Variants in PTX3 observed in about 807,000 individuals in gnomAD.
The protein encoded by PTX3 is pentraxin-related protein PTX3.
Under a neutral mutation model 23.5 loss-of-function variants are expected in PTX3, and 24 were observed. The ratio of observed to expected loss-of-function variants is 1.02; its 90% CI spans 0.74 to 1.43. The LOEUF (loss-of-function observed/expected upper bound fraction) is 1.43. Ranked by LOEUF, PTX3 falls within the 40% of genes most tolerant of loss-of-function variation. The pLI is 0.00. For missense variants in PTX3, 510 were observed against 497.5 expected (o/e 1.02, Z -0.24); for synonymous variants, 218 against 205.4 (o/e 1.06, Z -0.53).
Position 157,437,767 on chromosome 3 carries a change from C to A in PTX3, c.385C>A (p.Arg129Ser). 2.0e-6 allele frequency: 3 copies of A among 1,483,008 alleles called. No homozygotes were observed. Among genetic ancestry groups the A allele is most frequent in the Non-Finnish European group, 2.7e-6 (3 of 1,127,332 alleles). The allele number at this position is 1,483,008 out of a possible 1,614,324, so 91.9% of individuals were successfully genotyped here. A position where few individuals can be genotyped will look rare whatever the true frequency, so the allele number is the denominator to read the frequency against. Residue 129 changes from arginine to serine, a missense_variant, in exon 2 of 3, where the codon CGC (arginine) becomes AGC (serine). By Grantham distance (110) the Arg-to-Ser change is moderately radical. Transcript: ENST00000295927. ...ELLQATRDAG[R>S]RLARMEGAEA... ...GCTGCAGGCGACCCGCGACGCGGGCCGCAGGCTGGCGCGTATGGAGGGCGC... is the reference window on the plus strand; with the variant it reads ...GCTGCAGGCGACCCGCGACGCGGGCAGCAGGCTGGCGCGTATGGAGGGCGC...
chr3:157,438,052 CA>C, intron 2 of PTX3, 138 bp downstream of exon 2: 1 of 735,092 alleles, frequency 1.4e-6, no homozygotes, highest in Non-Finnish European at 2.1e-6. Context: ...CACACACACA[CA>C]CACACACACA....
intron 2 of PTX3, 30 bp from the exon 3 acceptor site, chr3:157,442,336 A>G: frequency 6.7e-7 from 1 of 1,501,652 alleles, no homozygotes; most frequent in African/African-American, 1.4e-5. Flanking sequence ...TATTTTCTTT[A>G]ATATTCTTCT....
chr3:157,437,052 C>CCA lies in PTX3; in HGVS notation c.121_122dup (p.Glu42LeufsTer28). ...AACGAAATAGACAATGGACTCCATC[C>CCA]CACTGAGGACCGTAAGTTCACTTTA... is the stretch of plus-strand genomic sequence containing the variant. On this transcript the variant is annotated frameshift_variant, in exon 1 of 3. Transcript: ENST00000295927. LOFTEE classifies it high-confidence loss of function. The CCA allele has an allele frequency of 6.2e-7, 1 of 1,613,888 alleles. No individual in the cohort carries two copies. Among genetic ancestry groups the CCA allele is most frequent in the Non-Finnish European group, 8.5e-7 (1 of 1,179,818 alleles).
rs1365190510 is a variant in PTX3, at chr3:157,437,785, G to C, written c.403G>C (p.Glu135Gln). Reference sequence around the variant, plus strand: ...CGCGGGCCGCAGGCTGGCGCGTATGGAGGGCGCGGAGGCGCAGCGCCCAGA... The same window carrying C: ...CGCGGGCCGCAGGCTGGCGCGTATGCAGGGCGCGGAGGCGCAGCGCCCAGA... ...RDAGRRLARM[E>Q]GAEAQRPEEA... Residue 135 changes from glutamate to glutamine, a missense_variant, in exon 2 of 3, where the codon GAG becomes CAG. Transcript: ENST00000295927. The C allele has an allele frequency of 2.0e-6, 3 of 1,464,644 alleles. No individual in the cohort carries two copies. The highest frequency in any genetic ancestry group is 2.7e-6 in the Non-Finnish European group (3 of 1,121,466). The allele number at this position is 1,464,644 out of a possible 1,614,324, so 90.7% of individuals were successfully genotyped here. A position where few individuals can be genotyped will look rare whatever the true frequency, so the allele number is the denominator to read the frequency against.
rs976579732 is a variant in PTX3, at chr3:157,437,729, C to T, written c.347C>T (p.Ala116Val). The change falls in exon 2 of 3, where the codon GCT (alanine) becomes GTT (valine). Residue 116 changes from alanine to valine, a missense_variant. Transcript: ENST00000295927. ...GAPAEARLTS[A>V]LDELLQATRD... is the part of the protein sequence containing the mutation. The stretch of plus-strand genomic sequence containing the variant: ...CCCGCAGAGGCCAGGCTGACCAGTG[C>T]TCTGGACGAGCTGCTGCAGGCGACC... 6.6e-7 allele frequency: 1 copy of T among 1,514,014 alleles called. No homozygotes were observed. Among genetic ancestry groups the T allele is most frequent in the Non-Finnish European group, 8.8e-7 (1 of 1,138,550 alleles). The allele number at this position is 1,514,014 out of a possible 1,614,324, so 93.8% of individuals were successfully genotyped here. A position where few individuals can be genotyped will look rare whatever the true frequency, so the allele number is the denominator to read the frequency against.
At position 157,437,882 on chromosome 3, in the gene PTX3, A is replaced by G. The variant is rs191352729; in HGVS notation, c.500A>G (p.Gln167Arg). Residue 167 changes from glutamine (Q) to arginine (R), a missense_variant, in exon 2 of 3, where the codon CAG becomes CGG. By Grantham distance (43) the Gln-to-Arg change is conservative. Coordinates refer to ENST00000295927, the MANE Select transcript of PTX3 (RefSeq NM_002852.4). ...RQTRADLHAV[Q>R]GWAARSWLPA... ...ACGCGAGCCGACCTGCACGCGGTGC[A>G]GGGCTGGGCTGCCCGGAGCTGGCTG... 10,974 of 1,514,912 alleles carry G rather than the reference A, an allele frequency of 7.2e-3. 107 individuals carry two copies. Among genetic ancestry groups the G allele is most frequent in the Admixed American group, 0.046 (2,219 of 48,228 alleles). 93.8% of individuals were successfully genotyped at this position (1,514,912 alleles called of 1,614,324 possible).
chr3:157,440,007 C>T (rs1733997584), intron 2 of PTX3, among the ~76,000 whole-genome samples: 1 of 152,172 alleles, frequency 6.6e-6, no homozygotes, highest in Non-Finnish European at 1.5e-5. Flanking sequence ...GCCTCAGCCT[C>T]CCAAAGTGCT....
rs1038796231 is a variant in PTX3 at position 157,441,752 on chromosome 3, G to A, written c.533-614G>A. 9.9e-5 allele frequency among the ~76,000 whole-genome samples: 15 copies of A among 151,856 alleles called. No individual in the cohort carries two copies. The East Asian group carries it at 1.2e-3, about 12-fold the overall frequency. On this transcript the variant is annotated intron_variant, in intron 2 of 2. Transcript: ENST00000295927. ...TTGAACCTGGGAAGCGAAGGTTGCC[G>A]TGAGTCGAGATCGCACTACTGCAAT...
intron 2 of PTX3, among the ~76,000 whole-genome samples, chr3:157,441,124 C>T (rs1178255126): frequency 6.6e-6 from 1 of 152,122 alleles, no homozygotes; most frequent in East Asian, 1.9e-4. Context: ...TTGCATGGCT[C>T]ATTAGTAGTA....
chr3:157,441,384 A>G (rs527549618), intron 2 of PTX3, among the ~76,000 whole-genome samples: 14 of 152,252 alleles, frequency 9.2e-5, no homozygotes, highest in Non-Finnish European at 2.1e-4. Flanking sequence ...CAAAATGATT[A>G]GAACAGTATC....
chr3:157,442,476 G>A lies in PTX3; in HGVS notation c.643G>A (p.Ala215Thr). The A allele has an allele frequency of 6.2e-7, 1 of 1,614,210 alleles. No homozygotes were observed. The highest frequency in any genetic ancestry group is 8.5e-7 in the Non-Finnish European group (1 of 1,180,046). ...TTTTAGTGCCTGCATTTGGGTCAAA[G>A]CCACAGATGTATTAAACAAAACCAT... is the stretch of plus-strand genomic sequence containing the variant. Reference protein sequence around the residue: ...ESFSACIWVKATDVLNKTILF... With the variant: ...ESFSACIWVKTTDVLNKTILF... Residue 215 changes from alanine to threonine, a missense_variant, in exon 3 of 3, where the codon GCC becomes ACC. Ala to Thr is a moderately conservative substitution (Grantham distance 58, BLOSUM62 0). Coordinates refer to ENST00000295927, the MANE Select transcript of PTX3 (RefSeq NM_002852.4).
At chr3:157,438,270 A>T (rs1451692282) in intron 2 of PTX3, among the ~76,000 whole-genome samples, 2 of 151,910 alleles carry the variant, frequency 1.3e-5, no homozygotes, top group Non-Finnish European at 2.9e-5. Flanking sequence ...GCCCGTTATA[A>T]CCGTGATCCC....
At position 157,442,305 on chromosome 3, in the gene PTX3, G is replaced by C. The variant is rs943536088; in HGVS notation, c.533-61G>C. Reference sequence around the variant, plus strand: ...TTCTTATGTTAAATAACTAATGCCAGAATAATTCTGAATTAATTTATATTT... The same window carrying C: ...TTCTTATGTTAAATAACTAATGCCACAATAATTCTGAATTAATTTATATTT... On this transcript the variant is annotated intron_variant, in intron 2 of 2. Coordinates refer to ENST00000295927, the MANE Select transcript of PTX3 (RefSeq NM_002852.4). 5.8e-6 allele frequency: 8 copies of C among 1,370,020 alleles called. No individual in the cohort carries two copies. The East Asian group carries it at 2.0e-4, about 35-fold the overall frequency. The allele number at this position is 1,370,020 out of a possible 1,614,324, so 84.9% of individuals were successfully genotyped here. A position where few individuals can be genotyped will look rare whatever the true frequency, so the allele number is the denominator to read the frequency against.
Position 157,443,082 on chromosome 3 carries a change from A to G in PTX3, c.*103A>G, listed in dbSNP as rs1393081972. ...TCAGTGCATAATAGGAACACTTGAG[A>G]CTAATGAAAGAGAGAGTTGAGACCA... On this transcript the variant is annotated 3_prime_UTR_variant, in exon 3 of 3. Coordinates refer to ENST00000295927, the MANE Select transcript of PTX3 (RefSeq NM_002852.4). 7 of 1,342,670 alleles carry G rather than the reference A, an allele frequency of 5.2e-6. No individual in the cohort carries two copies. The African/African-American group carries it at 5.9e-5, about 11-fold the overall frequency. 83.2% of individuals were successfully genotyped at this position (1,342,670 alleles called of 1,614,324 possible).
chr3:157,437,679 G>A lies in PTX3; in HGVS notation c.297G>A (p.Leu99=), dbSNP rs556987460. 8.5e-6 allele frequency: 13 copies of A among 1,536,276 alleles called. No individual in the cohort carries two copies. The East Asian group carries it at 2.7e-4, about 32-fold the overall frequency. The change falls in exon 2 of 3, where the codon CTG becomes CTA. Residue 99 remains leucine (L), a synonymous_variant. Transcript: ENST00000295927. ...REELGRLAES[L]ARPCAPGAPA... ...AGCTGGGCCGGCTCGCGGAAAGCCT[G>A]GCGAGGCCGTGCGCGCCGGGGGCTC...
At position 157,441,235 on chromosome 3, in the gene PTX3, G is replaced by A. The variant is rs547311362; in HGVS notation, c.533-1131G>A. Among the ~76,000 whole-genome samples the A allele has an allele frequency of 2.0e-5, 3 of 152,228 alleles. No individual in the cohort carries two copies. In the South Asian group the frequency reaches 6.2e-4, roughly 32 times the overall value. On this transcript the variant is annotated intron_variant, in intron 2 of 2. Transcript: ENST00000295927. The stretch of plus-strand genomic sequence containing the variant: ...AGGGCGTGGCCTCTGTGACCAGACT[G>A]CAAAAATTCAAACTCTAGTTTTACT...
chr3:157,442,170 G>A (rs1734175090), intron 2 of PTX3, among the ~76,000 whole-genome samples, 196 bp from the exon 3 acceptor site: 1 of 152,120 alleles, frequency 6.6e-6, no homozygotes, highest in South Asian at 2.1e-4. Context: ...CATTGGATAA[G>A]ACAATTGGCT....
Position 157,437,756 on chromosome 3 carries a change from G to A in PTX3, c.374G>A (p.Arg125His). Residue 125 changes from arginine to histidine, a missense_variant, in exon 2 of 3, where the codon CGC becomes CAC. Physicochemically the swap from Arg to His is conservative, Grantham distance 29. Transcript: ENST00000295927. ...SALDELLQAT[R>H]DAGRRLARME... ...CTGGACGAGCTGCTGCAGGCGACCC[G>A]CGACGCGGGCCGCAGGCTGGCGCGT... 1 of 1,489,266 alleles carries A rather than the reference G, an allele frequency of 6.7e-7. No homozygotes were observed. Among genetic ancestry groups the A allele is most frequent in the South Asian group, 1.3e-5 (1 of 78,474 alleles). 92.3% of individuals were successfully genotyped at this position (1,489,266 alleles called of 1,614,324 possible).
Position 157,442,872 on chromosome 3 carries a change from G to T in PTX3, c.1039G>T (p.Glu347Ter), listed in dbSNP as rs1163855672. 1 of 1,614,240 alleles carries T rather than the reference G, an allele frequency of 6.2e-7. No homozygotes were observed. The highest frequency in any genetic ancestry group is 1.7e-5 in the Admixed American group (1 of 60,034). The change falls in exon 3 of 3, where the codon GAG (glutamate) becomes TAG (stop). Residue 347 changes from glutamate to a stop codon, truncating the protein, a stop_gained. Coordinates refer to ENST00000295927, the MANE Select transcript of PTX3 (RefSeq NM_002852.4). LOFTEE classifies it high-confidence loss of function. ...NIWDSVLSNEEIRETGGAESC... is the reference protein window; with the variant it reads ...NIWDSVLSNE The stretch of plus-strand genomic sequence containing the variant: ...CTGGGATAGTGTTCTTAGCAATGAA[G>T]AGATAAGAGAGACCGGAGGAGCAGA...
Sources: gnomAD v4.1 joint callset for allele counts (sites outside exome capture counted in the v4.1 genomes callset) on GRCh38, gnomAD v4.1.1 for gene constraint, MANE v1.5 for transcripts, NCBI Gene and HGNC (gene_info 2026-07-23, HGNC 2026-07-21) for gene names.